Variants in CALN1 observed in about 807,000 individuals in gnomAD.
CALN1 encodes calneuron 1, also known as calcium-binding protein 8.
A neutral mutation model predicts 30.6 loss-of-function variants in CALN1; 17 were observed. The ratio of observed to expected loss-of-function variants is 0.56; its 90% CI spans 0.38 to 0.83. CALN1 has a LOEUF of 0.83. Among genes scored for constraint, CALN1 ranks in the 40% least tolerant of loss-of-function variants. CALN1 has a pLI of 0.00. For missense variants in CALN1, 291 were observed against 354.9 expected, an observed-to-expected ratio of 0.82 and a Z score of 1.45; for synonymous variants, 156 against 131.4, an observed-to-expected ratio of 1.19 and a Z score of -1.28.
intron 2 of CALN1, among the ~76,000 whole-genome samples, chr7:72,348,662 T>C (rs1351614831): frequency 6.6e-6 from 1 of 152,196 alleles, no homozygotes; most frequent in Non-Finnish European, 1.5e-5. Flanking sequence ...AGAAAACTCA[T>C]TGAACACCCG....
At chr7:72,300,743 G>A (rs1196024570) in intron 2 of CALN1, among the ~76,000 whole-genome samples, 1 of 152,172 alleles carries the variant, frequency 6.6e-6, no homozygotes, top group Non-Finnish European at 1.5e-5. Context: ...TGTAATCCCA[G>A]CACTTTGGGA....
intron 4 of CALN1, among the ~76,000 whole-genome samples, chr7:72,052,972 G>C (rs971935108): frequency 3.7e-4 from 56 of 152,296 alleles, no homozygotes; most frequent in African/African-American, 1.3e-3. Flanking sequence ...GCTCACGCCT[G>C]TAATCCAAGC....
At chr7:72,300,395 G>A (rs1187552248) in intron 2 of CALN1, among the ~76,000 whole-genome samples, 2 of 150,784 alleles carry the variant, frequency 1.3e-5, no homozygotes, top group African/African-American at 2.4e-5. Flanking sequence ...GCACTGCGTT[G>A]TATTTTTAAT....
chr7:71,993,571 C>G (rs1311734808), intron 5 of CALN1, among the ~76,000 whole-genome samples: 1 of 151,990 alleles, frequency 6.6e-6, no homozygotes, highest in Non-Finnish European at 1.5e-5. Flanking sequence ...ATTCTCCTGC[C>G]TCCACCTCCT....
At chr7:72,302,015 C>A (rs1024766175) in intron 2 of CALN1, among the ~76,000 whole-genome samples, 1 of 151,790 alleles carries the variant, frequency 6.6e-6, no homozygotes, top group Non-Finnish European at 1.5e-5. Flanking sequence ...TAATGTAATG[C>A]TTCAGGGAGA....
chr7:71,968,521 G>A (rs1797637568), intron 5 of CALN1, among the ~76,000 whole-genome samples: 2 of 151,916 alleles, frequency 1.3e-5, no homozygotes, highest in Admixed American at 6.6e-5. Flanking sequence ...CCCTCCGCCT[G>A]CCGGGTTCCA....
At chr7:72,476,713 T>C in the CALN1 span, among the ~76,000 whole-genome samples, 2 of 152,214 alleles carry the variant, frequency 1.3e-5, no homozygotes, top group Admixed American at 1.3e-4. Context: ...CTTCAAACTA[T>C]GCATTCATTC....
At chr7:72,349,285 TGTGTGTGTGTG>T (rs1802804077) in intron 2 of CALN1, among the ~76,000 whole-genome samples, 1 of 7,510 alleles carries the variant, frequency 1.3e-4, no homozygotes, top group Admixed American at 1.4e-3. Flanking sequence ...CGCGTGCTTG[TGTGTGTGTGTG>T]TGTGTGTGTG....
intron 1 of CALN1, among the ~76,000 whole-genome samples, chr7:72,441,585 G>A (rs893174530): frequency 1.4e-4 from 17 of 118,812 alleles, no homozygotes; most frequent in African/African-American, 5.2e-4. Flanking sequence ...GCAACAGAGC[G>A]ACACTCCGTC....
At chr7:72,220,675 C>A (rs1020170577) in intron 3 of CALN1, among the ~76,000 whole-genome samples, 1 of 152,110 alleles carries the variant, frequency 6.6e-6, no homozygotes, top group Non-Finnish European at 1.5e-5. Context: ...TAAAAGTGTT[C>A]CTATTTCTCC....
chr7:72,178,697 A>G (rs188293152), intron 3 of CALN1, among the ~76,000 whole-genome samples: 287 of 152,178 alleles, frequency 1.9e-3, no homozygotes, highest in African/African-American at 6.6e-3. Flanking sequence ...TCAAAAAAAA[A>G]AAAGAAAGAA....
intron 3 of CALN1, among the ~76,000 whole-genome samples, chr7:72,252,012 A>C (rs1339871123): frequency 6.6e-6 from 1 of 152,178 alleles, no homozygotes; most frequent in Non-Finnish European, 1.5e-5. Context: ...TCTGCAGCAC[A>C]CCACACAAGA....
intron 4 of CALN1, among the ~76,000 whole-genome samples, chr7:72,041,127 C>T (rs183468610): frequency 6.6e-6 from 1 of 152,186 alleles, no homozygotes; most frequent in East Asian, 1.9e-4. Context: ...TCCTGTTGCA[C>T]TCTACATAAG....
intron 4 of CALN1, among the ~76,000 whole-genome samples, chr7:72,039,496 G>A (rs1028026996): frequency 1.3e-5 from 2 of 152,196 alleles, no homozygotes; most frequent in Non-Finnish European, 2.9e-5. Flanking sequence ...AAAAGATTCC[G>A]TGCAGGCTAC....
chr7:72,410,474 C>T (rs1222880353), intron 1 of CALN1, among the ~76,000 whole-genome samples: 1 of 152,130 alleles, frequency 6.6e-6, no homozygotes, highest in East Asian at 1.9e-4. Flanking sequence ...CTATCTCTGC[C>T]CAAAACCAAT....
At chr7:71,963,012 G>A (rs183010627) in intron 5 of CALN1, among the ~76,000 whole-genome samples, 40 of 152,188 alleles carry the variant, frequency 2.6e-4, no homozygotes, top group African/African-American at 9.6e-4. Context: ...AAAGAGGACA[G>A]GTTTAAACAT....
intron 3 of CALN1, among the ~76,000 whole-genome samples, chr7:72,274,897 T>G (rs916021095): frequency 2.0e-5 from 3 of 152,174 alleles, no homozygotes; most frequent in African/African-American, 2.4e-5. Flanking sequence ...GTTTCCCTCC[T>G]GAGCTTTGTG....
At chr7:71,934,143 C>A (rs1159900576) in intron 5 of CALN1, among the ~76,000 whole-genome samples, 1 of 152,194 alleles carries the variant, frequency 6.6e-6, no homozygotes, top group Non-Finnish European at 1.5e-5. Flanking sequence ...CAGGCTGGAA[C>A]TGGCTCATGC....
intron 1 of CALN1, among the ~76,000 whole-genome samples, chr7:72,419,262 T>A (rs1284769534): frequency 6.6e-6 from 1 of 152,076 alleles, no homozygotes; most frequent in East Asian, 1.9e-4. Flanking sequence ...TGGATTGTGA[T>A]CACCACAACC....
Sources: gnomAD v4.1 joint callset for allele counts (sites outside exome capture counted in the v4.1 genomes callset) on GRCh38, gnomAD v4.1.1 for gene constraint, MANE v1.5 for transcripts, NCBI Gene and HGNC (gene_info 2026-07-23, HGNC 2026-07-21) for gene names.